BCAR3: variants seen among roughly 807,000 people sequenced by gnomAD.
BCAR3 encodes breast cancer anti-estrogen resistance protein 3.
Under a neutral mutation model 80.1 loss-of-function variants are expected in BCAR3, and 37 were observed. The ratio of observed to expected loss-of-function variants is 0.46; its 90% CI spans 0.36 to 0.61. The LOEUF (loss-of-function observed/expected upper bound fraction) is 0.61, where lower values mean the gene tolerates loss of function less well. Among genes scored for constraint, BCAR3 ranks in the 20% least tolerant of loss-of-function variants. The pLI, the probability that BCAR3 is intolerant of heterozygous loss-of-function variation, is 0.00. For synonymous variants in BCAR3, 389 were observed against 418.9 expected, an observed-to-expected ratio of 0.93 and a Z score of 0.87; for missense variants, 978 against 1,068.2, an observed-to-expected ratio of 0.92 and a Z score of 1.18.
intron 5 of BCAR3, 97 bp downstream of exon 5, chr1:93,588,880 T>G: frequency 7.6e-7 from 1 of 1,318,536 alleles, no homozygotes; most frequent in African/African-American, 1.5e-5. Flanking sequence ...TATTAACATC[T>G]TTTATTTCTT....
chr1:93,655,215 T>C (rs1355450841), intron 2 of BCAR3, among the ~76,000 whole-genome samples: 2 of 152,200 alleles, frequency 1.3e-5, no homozygotes, highest in African/African-American at 4.8e-5. Context: ...ATGGGATTTA[T>C]TGAAGGATCT....
At chr1:93,634,696 AAAC>A (rs1196114340) in intron 3 of BCAR3, among the ~76,000 whole-genome samples, 6 of 149,300 alleles carry the variant, frequency 4.0e-5, no homozygotes, top group East Asian at 2.0e-4. Context: ...CTCTGTCTCA[AAAC>A]AACAACAACA....
intron 2 of BCAR3, among the ~76,000 whole-genome samples, chr1:93,770,224 G>T (rs958009267): frequency 6.6e-5 from 10 of 152,238 alleles, no homozygotes; most frequent in African/African-American, 2.4e-4. Context: ...GGCATCTAAC[G>T]GAAGAGCTGC....
intron 2 of BCAR3, among the ~76,000 whole-genome samples, chr1:93,710,815 T>G (rs1649994753): frequency 6.6e-6 from 1 of 152,226 alleles, no homozygotes; most frequent in Non-Finnish European, 1.5e-5. Flanking sequence ...AACAAACATT[T>G]GTTATCTCAC....
chr1:93,597,943 A>G (rs1161676972), intron 3 of BCAR3, among the ~76,000 whole-genome samples: 1 of 152,132 alleles, frequency 6.6e-6, no homozygotes, highest in Non-Finnish European at 1.5e-5. Context: ...TATCACTCTG[A>G]ATCTGGAAAG....
intron 3 of BCAR3, among the ~76,000 whole-genome samples, chr1:93,704,766 C>G (rs868546276): frequency 6.6e-6 from 1 of 152,300 alleles, no homozygotes; most frequent in Non-Finnish European, 1.5e-5. Context: ...CCTCATTATT[C>G]GAGGTAATAA....
intron 4 of BCAR3, among the ~76,000 whole-genome samples, chr1:93,591,510 T>TC (rs1212958109): frequency 1.3e-5 from 2 of 151,964 alleles, no homozygotes; most frequent in Admixed American, 6.6e-5. Flanking sequence ...ATGATGCCCT[T>TC]CCCCCCAGCC....
At chr1:93,750,428 C>A (rs1431474356) in intron 2 of BCAR3, among the ~76,000 whole-genome samples, 1 of 152,218 alleles carries the variant, frequency 6.6e-6, no homozygotes, top group Non-Finnish European at 1.5e-5. Context: ...AAACTGTAAA[C>A]ATTCTGTGAG....
At chr1:93,656,523 G>A (rs1647386604) in intron 2 of BCAR3, among the ~76,000 whole-genome samples, 4 of 150,204 alleles carry the variant, frequency 2.7e-5, no homozygotes, top group Admixed American at 2.6e-4. Flanking sequence ...TTTATTCTGA[G>A]ACCACTTATG....
chr1:93,634,713 AC>A (rs1675723772), intron 3 of BCAR3, among the ~76,000 whole-genome samples: 5 of 126,450 alleles, frequency 4.0e-5, no homozygotes, highest in East Asian at 2.1e-4. Context: ...AACAACAACA[AC>A]AACAACAAAA....
At chr1:93,723,600 T>C (rs1451696215) in intron 2 of BCAR3, 1 of 152,254 alleles carries the variant, frequency 6.6e-6, no homozygotes, top group Non-Finnish European at 1.5e-5. Flanking sequence ...TTAGTTTGTT[T>C]GATTTCCACC....
At chr1:93,608,112 A>G (rs1000796412) in intron 3 of BCAR3, among the ~76,000 whole-genome samples, 5 of 152,228 alleles carry the variant, frequency 3.3e-5, no homozygotes, top group African/African-American at 7.2e-5. Flanking sequence ...AAGCACACAC[A>G]TATCTAGAGT....
intron 3 of BCAR3, among the ~76,000 whole-genome samples, chr1:93,637,549 TAA>T (rs1055407590): frequency 3.9e-5 from 6 of 152,118 alleles, no homozygotes; most frequent in Middle Eastern, 3.4e-3. Context: ...AAGAGAGTGA[TAA>T]AGAGTGGAAG....
intron 2 of BCAR3, among the ~76,000 whole-genome samples, chr1:93,828,743 G>A (rs559785351): frequency 1.6e-3 from 237 of 152,122 alleles, no homozygotes; most frequent in African/African-American, 5.4e-3. Flanking sequence ...CACCCAGGCC[G>A]GAGTGCAGTG....
chr1:93,562,325 T>A lies in BCAR3; in HGVS notation c.2394A>T (p.Thr798=). 8.1e-6 allele frequency: 13 copies of A among 1,614,220 alleles called. No individual in the cohort carries two copies. The highest frequency in any genetic ancestry group is 1.1e-5 in the Non-Finnish European group (13 of 1,180,024). ...WGSKGAQVNQ[T]ERYEKFNQIL... is the part of the protein sequence containing the mutation. ...TCTGGTTGAATTTCTCATATCTCTC[T>A]GTCTGATTGACTTGTGCACCTTTGC... Residue 798 remains threonine (T), a synonymous_variant, in exon 12 of 12, where the codon ACA becomes ACT. Transcript: ENST00000260502.
At chr1:93,628,521 T>A (rs1166413285) in intron 3 of BCAR3, among the ~76,000 whole-genome samples, 1 of 152,208 alleles carries the variant, frequency 6.6e-6, no homozygotes, top group African/African-American at 2.4e-5. Flanking sequence ...TCTGGCCTCC[T>A]CGTTCCTCCA....
chr1:93,663,121 AG>A (rs1647742115), intron 2 of BCAR3, among the ~76,000 whole-genome samples: 1 of 152,116 alleles, frequency 6.6e-6, no homozygotes, highest in Admixed American at 6.6e-5. Flanking sequence ...TACCCTTTCC[AG>A]TCAGAGAAGT....
intron 2 of BCAR3, among the ~76,000 whole-genome samples, chr1:93,648,465 G>A (rs1394978410): frequency 2.6e-5 from 4 of 152,254 alleles, no homozygotes; most frequent in Admixed American, 6.5e-5. Flanking sequence ...AAGGAGACTC[G>A]TTAAAAATTA....
chr1:93,771,471 C>T (rs956400907), intron 2 of BCAR3, among the ~76,000 whole-genome samples: 2 of 152,182 alleles, frequency 1.3e-5, no homozygotes, highest in East Asian at 3.8e-4. Context: ...TTATTATTAC[C>T]TGCAAAAACT....
Sources: gnomAD v4.1 joint callset for allele counts (sites outside exome capture counted in the v4.1 genomes callset) on GRCh38, gnomAD v4.1.1 for gene constraint, MANE v1.5 for transcripts, NCBI Gene and HGNC (gene_info 2026-07-23, HGNC 2026-07-21) for gene names.